ACSBG1: variants seen among roughly 807,000 people sequenced by gnomAD.
ACSBG1 encodes long-chain-fatty-acid--CoA ligase ACSBG1.
ACSBG1 carries 39 observed loss-of-function variants against 80.2 expected under a neutral mutation model. The ratio of observed to expected loss-of-function variants is 0.49; its 90% CI spans 0.38 to 0.64. The LOEUF (loss-of-function observed/expected upper bound fraction) is 0.64, where lower values mean the gene tolerates loss of function less well. Ranked by LOEUF, ACSBG1 falls within the 30% of genes least tolerant of loss-of-function variation. The pLI, the probability that ACSBG1 is intolerant of heterozygous loss-of-function variation, is 0.00. For synonymous variants in ACSBG1, 392 were observed against 379.5 expected, an observed-to-expected ratio of 1.03 and a Z score of -0.38; for missense variants, 828 against 966.4, an observed-to-expected ratio of 0.86 and a Z score of 1.90.
chr15:78,197,857 C>G (rs1439880926), intron 2 of ACSBG1, among the ~76,000 whole-genome samples: 1 of 152,078 alleles, frequency 6.6e-6, no homozygotes, highest in African/African-American at 2.4e-5. Flanking sequence ...TCTTCCCTCC[C>G]CTGGCACAGA....
intron 1 of ACSBG1, chr15:78,226,715 C>A (rs1315296311): frequency 6.7e-6 from 1 of 148,900 alleles, no homozygotes; most frequent in African/African-American, 2.5e-5. Flanking sequence ...AATAGGCTGA[C>A]ACAAATGTGG....
chr15:78,181,493 T>TTC (rs1278599027), intron 8 of ACSBG1, among the ~76,000 whole-genome samples: 2 of 140,620 alleles, frequency 1.4e-5, no homozygotes, highest in Non-Finnish European at 3.1e-5. Context: ...AGGTTTCTTT[T>TTC]TTTTTTTTTT....
chr15:78,194,486 G>T lies in ACSBG1; in HGVS notation c.453+20C>A, dbSNP rs765953551. 40 of 1,612,680 alleles carry T rather than the reference G, an allele frequency of 2.5e-5. No individual in the cohort carries two copies. The South Asian group carries it at 2.5e-4, about 10-fold the overall frequency. ...CACATCTGGGGAGGGGCAAGGCCTT[G>T]CCATGAGGGGCCCCCTTACCTTCAG... is the stretch of plus-strand genomic sequence containing the variant. On this transcript the variant is annotated intron_variant, in intron 3 of 13. Coordinates refer to ENST00000258873, the MANE Select transcript of ACSBG1 (RefSeq NM_015162.5).
At chr15:78,196,163 C>T (rs1487403688) in intron 2 of ACSBG1, among the ~76,000 whole-genome samples, 1 of 152,192 alleles carries the variant, frequency 6.6e-6, no homozygotes, top group Non-Finnish European at 1.5e-5. Context: ...GGGATGGATG[C>T]CCATGCCACT....
chr15:78,233,710 G>GCCTGCCTTCTT (rs1567104522), intron 1 of ACSBG1, among the ~76,000 whole-genome samples: 1 of 152,180 alleles, frequency 6.6e-6, no homozygotes, highest in Non-Finnish European at 1.5e-5. Flanking sequence ...GTGCGCGTGC[G>GCCTGCCTTCTT]CCTGCCTTCT....
At chr15:78,211,497 C>T (rs185961438) in intron 1 of ACSBG1, among the ~76,000 whole-genome samples, 4 of 152,330 alleles carry the variant, frequency 2.6e-5, no homozygotes, top group Non-Finnish European at 4.4e-5. Context: ...TCTTTGAGGA[C>T]GAGAACAAGG....
At chr15:78,229,435 C>T (rs1217093744) in intron 1 of ACSBG1, among the ~76,000 whole-genome samples, 1 of 152,214 alleles carries the variant, frequency 6.6e-6, no homozygotes, top group East Asian at 1.9e-4. Flanking sequence ...ATTCGCCTTA[C>T]GATTGCCCCT....
rs768276737 is a variant in ACSBG1, at chr15:78,182,752, C to A, written c.697G>T (p.Val233Leu). 3 of 1,614,244 alleles carry A rather than the reference C, an allele frequency of 1.9e-6. 1 individual carries two copies. In the South Asian group the frequency reaches 3.3e-5, roughly 18 times the overall value. The change falls in exon 6 of 14, where the codon GTG becomes TTG. Residue 233 changes from valine (V) to leucine (L), a missense_variant. By Grantham distance (32) the Val-to-Leu change is conservative. Around this residue, in one of 3 missense-constraint regions of ACSBG1, gnomAD observed 356 missense variants for 363.5 expected, o/e 0.98. Transcript: ENST00000258873. ...WKQLPHLKAVVIYKEPPPNKM... is the reference protein window; with the variant it reads ...WKQLPHLKAVLIYKEPPPNKM... ...TTTGGAGGAGGTTCTTTATATATCA[C>A]GACTGCCTTTAGATGTGGCAACTGT...
chr15:78,233,812 G>C (rs1213424927), intron 1 of ACSBG1, among the ~76,000 whole-genome samples: 1 of 152,220 alleles, frequency 6.6e-6, no homozygotes, highest in African/African-American at 2.4e-5. Flanking sequence ...CCTGGGCCAG[G>C]GTGGGCATTG....
chr15:78,169,176 G>T lies in ACSBG1; in HGVS notation c.*2268C>A, dbSNP rs541461978. ...CAAAAGATGCAGGTGGATGTCCCTA[G>T]GTCTGTTTTCAAAGAACTTTTTCCA... On this transcript the variant is annotated 3_prime_UTR_variant, in exon 14 of 14. Transcript: ENST00000258873. The T allele has an allele frequency of 6.7e-5, 28 of 418,446 alleles. No individual in the cohort carries two copies. Among genetic ancestry groups the T allele is most frequent in the Middle Eastern group, 6.2e-4 (1 of 1,618 alleles). 25.9% of individuals were successfully genotyped at this position (418,446 alleles called of 1,614,324 possible).
At chr15:78,190,495 CAGGA>C (rs2075047349) in intron 5 of ACSBG1, among the ~76,000 whole-genome samples, 1 of 146,158 alleles carries the variant, frequency 6.8e-6, no homozygotes, top group African/African-American at 2.5e-5. Flanking sequence ...TGCTTGAGCC[CAGGA>C]GGTTGAGGCT....
chr15:78,194,074 A>C, intron 3 of ACSBG1, 54 bp from the exon 4 acceptor site: 6 of 1,565,708 alleles, frequency 3.8e-6, no homozygotes, highest in Non-Finnish European at 4.4e-6. Context: ...TGGGACCCTC[A>C]TGCCCCTCTC....
intron 2 of ACSBG1, among the ~76,000 whole-genome samples, chr15:78,200,842 C>T (rs1341846337): frequency 2.0e-5 from 3 of 152,172 alleles, no homozygotes; most frequent in East Asian, 3.9e-4. Context: ...CAAAAGCCCC[C>T]GATGGCTCTC....
intron 5 of ACSBG1, among the ~76,000 whole-genome samples, chr15:78,189,644 G>A (rs1331992230): frequency 6.6e-6 from 1 of 151,722 alleles, no homozygotes. Flanking sequence ...GACACAGGAA[G>A]GGGAACATCA....
chr15:78,229,160 G>A (rs2075427143), intron 1 of ACSBG1, among the ~76,000 whole-genome samples: 1 of 151,746 alleles, frequency 6.6e-6, no homozygotes, highest in Admixed American at 6.6e-5. Flanking sequence ...TCCCCTGCAA[G>A]CATGCAAACT....
At chr15:78,229,428 C>T (rs905097715) in intron 1 of ACSBG1, among the ~76,000 whole-genome samples, 6 of 152,216 alleles carry the variant, frequency 3.9e-5, no homozygotes, top group African/African-American at 1.4e-4. Flanking sequence ...CAGTGACATT[C>T]GCCTTACGAT....
At chr15:78,200,374 C>T (rs2075156136) in intron 2 of ACSBG1, among the ~76,000 whole-genome samples, 1 of 152,140 alleles carries the variant, frequency 6.6e-6, no homozygotes, top group Non-Finnish European at 1.5e-5. Flanking sequence ...TTTCTCTGCA[C>T]AAGCTCAGCT....
intron 2 of ACSBG1, among the ~76,000 whole-genome samples, chr15:78,202,028 AAT>A: frequency 6.6e-6 from 1 of 152,230 alleles, no homozygotes; most frequent in East Asian, 1.9e-4. Flanking sequence ...GAGCTGAGAC[AAT>A]GGGGTGGTGG....
intron 2 of ACSBG1, among the ~76,000 whole-genome samples, chr15:78,196,349 A>C (rs950120409): frequency 2.6e-5 from 4 of 152,248 alleles, no homozygotes; most frequent in African/African-American, 4.8e-5. Flanking sequence ...GCTAAAGTCC[A>C]TGCCCAGACC....
Sources: gnomAD v4.1 joint callset for allele counts (sites outside exome capture counted in the v4.1 genomes callset) on GRCh38, gnomAD v4.1.1 for gene constraint, gnomAD v4.1.1 regional missense constraint, MANE v1.5 for transcripts, NCBI Gene and HGNC (gene_info 2026-07-23, HGNC 2026-07-21) for gene names.